PPM1L: variants seen among roughly 807,000 people sequenced by gnomAD.
PPM1L encodes the protein protein phosphatase, Mg2+/Mn2+ dependent 1L, also known as protein phosphatase 1L.
PPM1L carries 13 observed loss-of-function variants against 31.4 expected under a neutral mutation model. The observed-to-expected ratio is 0.41, with a 90% CI of 0.27 to 0.66. The LOEUF is 0.66. Among genes scored for constraint, PPM1L ranks in the 30% least tolerant of loss-of-function variants. PPM1L has a pLI of 0.29. For synonymous variants in PPM1L, 184 were observed against 175.4 expected (o/e 1.05, Z -0.39); for missense variants, 326 against 453.7 (o/e 0.72, Z 2.56).
chr3:160,923,262 T>A (rs1714475083), intron 1 of PPM1L, among the ~76,000 whole-genome samples: 1 of 152,228 alleles, frequency 6.6e-6, no homozygotes, highest in South Asian at 2.1e-4. Context: ...GGGCAGCTCC[T>A]GTTGAAGCCA....
intron 1 of PPM1L, among the ~76,000 whole-genome samples, chr3:160,816,292 T>TGTGTGTGTGA (rs10576376): frequency 5.6e-4 from 82 of 147,260 alleles, no homozygotes; most frequent in African/African-American, 2.0e-3. Flanking sequence ...TGTGTGTGTG[T>TGTGTGTGTGA]GAAACCCATA....
intron 1 of PPM1L, among the ~76,000 whole-genome samples, chr3:160,904,679 A>G (rs1047892505): frequency 1.1e-4 from 16 of 151,580 alleles, no homozygotes; most frequent in Non-Finnish European, 1.0e-4. Flanking sequence ...ATCATGTTCA[A>G]TTGCAGTGTC....
intron 1 of PPM1L, among the ~76,000 whole-genome samples, chr3:160,843,420 A>G (rs1233765001): frequency 1.2e-5 from 1 of 86,166 alleles, no homozygotes; most frequent in East Asian, 3.8e-4. Flanking sequence ...GTGTATGGCA[A>G]TTCTTTTATA....
intron 1 of PPM1L, among the ~76,000 whole-genome samples, chr3:160,929,920 C>T (rs1183396041): frequency 6.6e-6 from 1 of 152,184 alleles, no homozygotes; most frequent in East Asian, 1.9e-4. Context: ...GCAGGAGTCA[C>T]ACACATATCC....
At chr3:160,891,129 T>C (rs1489256921) in intron 1 of PPM1L, among the ~76,000 whole-genome samples, 1 of 152,074 alleles carries the variant, frequency 6.6e-6, no homozygotes, top group Admixed American at 6.5e-5. Context: ...ACAAATGTGA[T>C]CTAATTAAAC....
chr3:160,983,489 C>A (rs1716867591), intron 2 of PPM1L, among the ~76,000 whole-genome samples: 1 of 152,088 alleles, frequency 6.6e-6, no homozygotes, highest in Non-Finnish European at 1.5e-5. Flanking sequence ...GAAATGAGGT[C>A]AAATATGACA....
intron 1 of PPM1L, among the ~76,000 whole-genome samples, chr3:160,909,484 G>C (rs1193252484): frequency 6.6e-6 from 1 of 152,188 alleles, no homozygotes; most frequent in African/African-American, 2.4e-5. Context: ...GTCTAATGTA[G>C]ATGTCCATTT....
intron 2 of PPM1L, among the ~76,000 whole-genome samples, chr3:161,021,465 GTATACCTGA>G (rs1559927360): frequency 6.6e-6 from 1 of 152,176 alleles, no homozygotes; most frequent in South Asian, 2.1e-4. Context: ...AATGTCCTGT[GTATACCTGA>G]TAAGAATGTA....
chr3:160,861,430 C>T (rs1297676760), intron 1 of PPM1L, among the ~76,000 whole-genome samples: 1 of 152,120 alleles, frequency 6.6e-6, no homozygotes, highest in Non-Finnish European at 1.5e-5. Flanking sequence ...TAAATAAATA[C>T]TAAATAATTC....
chr3:161,026,342 G>A (rs566918927), intron 2 of PPM1L, among the ~76,000 whole-genome samples: 1 of 152,308 alleles, frequency 6.6e-6, no homozygotes, highest in South Asian at 2.1e-4. Context: ...AGCTGCTGAG[G>A]AAGAGCTGGG....
chr3:161,018,638 ATATT>A (rs1181137114), intron 2 of PPM1L, among the ~76,000 whole-genome samples: 1 of 152,186 alleles, frequency 6.6e-6, no homozygotes, highest in Non-Finnish European at 1.5e-5. Flanking sequence ...TGTAGTATAA[ATATT>A]TATTATACAC....
At chr3:160,818,703 T>A (rs1185904980) in intron 1 of PPM1L, among the ~76,000 whole-genome samples, 1 of 152,020 alleles carries the variant, frequency 6.6e-6, no homozygotes, top group East Asian at 1.9e-4. Flanking sequence ...TTTTATTCAT[T>A]TATTTAGTTT....
intron 1 of PPM1L, among the ~76,000 whole-genome samples, chr3:160,834,248 C>T (rs1713622065): frequency 6.6e-6 from 1 of 151,948 alleles, no homozygotes; most frequent in South Asian, 2.1e-4. Context: ...TGATCTCGAT[C>T]TCCTGACCTC....
At chr3:160,976,429 G>A (rs1716578713) in intron 2 of PPM1L, among the ~76,000 whole-genome samples, 1 of 143,132 alleles carries the variant, frequency 7.0e-6, no homozygotes, top group Admixed American at 7.1e-5. Flanking sequence ...CTATTGATTG[G>A]AATAGTTTCA....
chr3:161,007,059 C>G (rs925496348), intron 2 of PPM1L, among the ~76,000 whole-genome samples: 3 of 152,136 alleles, frequency 2.0e-5, no homozygotes, highest in African/African-American at 7.2e-5. Flanking sequence ...GTCATTCATT[C>G]ATTTAATATG....
At chr3:160,776,309 C>A (rs1168126068) in intron 1 of PPM1L, among the ~76,000 whole-genome samples, 1 of 151,828 alleles carries the variant, frequency 6.6e-6, no homozygotes, top group Non-Finnish European at 1.5e-5. Context: ...ACAGAAGTTG[C>A]TTTGTGTGTG....
At chr3:160,939,131 G>A in intron 1 of PPM1L, among the ~76,000 whole-genome samples, 1 of 152,158 alleles carries the variant, frequency 6.6e-6, no homozygotes, top group Middle Eastern at 3.2e-3. Flanking sequence ...ATAAATATTA[G>A]CTATTGCTAT....
chr3:160,795,452 C>A (rs978888259), intron 1 of PPM1L, among the ~76,000 whole-genome samples: 4 of 152,228 alleles, frequency 2.6e-5, no homozygotes, highest in African/African-American at 7.2e-5. Context: ...TGCCAAGTAC[C>A]CTGCTGGGGG....
intron 1 of PPM1L, among the ~76,000 whole-genome samples, chr3:160,816,261 T>TTG (rs71147385): frequency 0.091 from 13,495 of 147,886 alleles, 633 homozygotes; most frequent in Non-Finnish European, 0.11. Flanking sequence ...GCAGTTTCAT[T>TTG]TGTGTGTGTG....
Sources: gnomAD v4.1 joint callset for allele counts (sites outside exome capture counted in the v4.1 genomes callset) on GRCh38, gnomAD v4.1.1 for gene constraint, MANE v1.5 for transcripts, NCBI Gene and HGNC (gene_info 2026-07-23, HGNC 2026-07-21) for gene names.